COL4A6: variants seen among roughly 807,000 people sequenced by gnomAD.
The protein encoded by COL4A6 is collagen alpha-6(IV) chain.
A neutral mutation model predicts 126.7 loss-of-function variants in COL4A6; 59 were observed. That is an observed-to-expected ratio of 0.47 (90% CI 0.38 to 0.58). The LOEUF is 0.58. Among genes scored for constraint, COL4A6 ranks in the 20% least tolerant of loss-of-function variants. The pLI is 0.00. For synonymous variants in COL4A6, 547 were observed against 496.6 expected (o/e 1.10, Z -1.35); for missense variants, 1,285 against 1,337.3 (o/e 0.96, Z 0.61).
Position 108,414,217 on chromosome X carries a change from A to C in COL4A6, c.63+23725T>G, listed in dbSNP as rs1288707267. The stretch of plus-strand genomic sequence containing the variant: ...TAGGGCAGTGATCTAATCTCTCAGA[A>C]AGCTTGATGCCATTTTGTACTTTCT... On this transcript the variant is annotated intron_variant, in intron 2 of 44. Transcript: ENST00000334504. Among the ~76,000 whole-genome samples, 12 of 112,173 alleles carry C rather than the reference A, an allele frequency of 1.1e-4. No homozygotes were observed. The Admixed American group carries it at 1.1e-3, about 11-fold the overall frequency.
intron 2 of COL4A6, among the ~76,000 whole-genome samples, chrX:108,426,255 C>T (rs1414812582): frequency 3.6e-5 from 4 of 111,478 alleles, no homozygotes; most frequent in East Asian, 2.8e-4. Context: ...TAATTCCCTC[C>T]GCAAGAGAAA....
At chrX:108,212,434 T>A in intron 6 of COL4A6, among the ~76,000 whole-genome samples, 1 of 111,534 alleles carries the variant, frequency 9.0e-6, no homozygotes, top group Middle Eastern at 4.6e-3. Context: ...TTCAACTAGA[T>A]TTTTTGCTGT....
At chrX:108,346,883 G>C (rs1158749090) in intron 2 of COL4A6, among the ~76,000 whole-genome samples, 1 of 112,057 alleles carries the variant, frequency 8.9e-6, no homozygotes. Context: ...GTCAGGTCAA[G>C]ATATAAATGT....
At chrX:108,334,058 A>G (rs2039373688) in intron 2 of COL4A6, among the ~76,000 whole-genome samples, 1 of 112,100 alleles carries the variant, frequency 8.9e-6, no homozygotes, top group Admixed American at 9.5e-5. Context: ...TCTAAAATTC[A>G]TATGGAACCA....
At chrX:108,307,384 A>T (rs146667315) in intron 3 of COL4A6, among the ~76,000 whole-genome samples, 218 of 112,222 alleles carry the variant, frequency 1.9e-3, no homozygotes, top group African/African-American at 6.8e-3. Context: ...CCCTGAAAGA[A>T]GATGTTTTGG....
intron 2 of COL4A6, among the ~76,000 whole-genome samples, chrX:108,351,508 A>G (rs903111865): frequency 2.9e-4 from 27 of 93,306 alleles, no homozygotes; most frequent in Non-Finnish European, 5.2e-4. Flanking sequence ...ATCTATGTGT[A>G]TGTTAGAAGG....
At chrX:108,328,507 A>C (rs1039228101) in intron 2 of COL4A6, among the ~76,000 whole-genome samples, 150 of 111,553 alleles carry the variant, frequency 1.3e-3, no homozygotes, top group Non-Finnish European at 1.6e-3. Context: ...ACCAGCACCA[A>C]CCAATACCAA....
chrX:108,202,416 C>G (rs2035413533), intron 13 of COL4A6, among the ~76,000 whole-genome samples: 1 of 111,510 alleles, frequency 9.0e-6, no homozygotes, highest in Non-Finnish European at 1.9e-5. Context: ...ACATAGGGAC[C>G]CTCAAAAGGT....
At chrX:108,341,650 T>C (rs2039568482) in intron 2 of COL4A6, among the ~76,000 whole-genome samples, 1 of 110,950 alleles carries the variant, frequency 9.0e-6, no homozygotes, top group Admixed American at 9.6e-5. Flanking sequence ...TATGCCTTTA[T>C]CAGCACCGTG....
At chrX:108,408,335 G>GAGAA (rs60742058) in intron 2 of COL4A6, among the ~76,000 whole-genome samples, 3,403 of 100,808 alleles carry the variant, frequency 0.034, 126 homozygotes, top group African/African-American at 0.1. Context: ...AAAAGAAAGA[G>GAGAA]AGAAAGAAAG....
chrX:108,439,441 C>A, upstream of COL4A6: 1 of 590,649 alleles, frequency 1.7e-6, no homozygotes, highest in Non-Finnish European at 2.5e-6. Context: ...CTGTGAGCAG[C>A]TGGAAGGTAA....
At chrX:108,354,436 T>A (rs2039911357) in intron 2 of COL4A6, among the ~76,000 whole-genome samples, 1 of 111,719 alleles carries the variant, frequency 9.0e-6, no homozygotes, top group African/African-American at 3.3e-5. Flanking sequence ...AAGTCCCATT[T>A]TCTGTGGCAA....
chrX:108,158,177 G>A (rs2148046089), intron 44 of COL4A6, among the ~76,000 whole-genome samples: 1 of 112,950 alleles, frequency 8.9e-6, no homozygotes, highest in South Asian at 3.6e-4. Flanking sequence ...GCAGACACTA[G>A]GTTATTTTAA....
chrX:108,398,983 T>C (rs1304215769), intron 2 of COL4A6, among the ~76,000 whole-genome samples: 1 of 111,734 alleles, frequency 8.9e-6, no homozygotes, highest in African/African-American at 3.2e-5. Context: ...ATCCATGCTG[T>C]AAGTAGAAGG....
intron 9 of COL4A6, 79 bp downstream of exon 9, chrX:108,206,439 T>C (rs780796663): frequency 9.6e-7 from 1 of 1,042,192 alleles, no homozygotes; most frequent in East Asian, 3.0e-5. Context: ...ATTACACAGG[T>C]TTACATTGAA....
intron 8 of COL4A6, among the ~76,000 whole-genome samples, chrX:108,209,175 ACTCT>A (rs1293640379): frequency 1.1e-4 from 12 of 111,746 alleles, no homozygotes; most frequent in East Asian, 2.8e-4. Flanking sequence ...AAACTCCGTA[ACTCT>A]CTATTTAGAA....
chrX:108,196,415 G>C, intron 14 of COL4A6, 96 bp downstream of exon 14: 1 of 760,476 alleles, frequency 1.3e-6, no homozygotes. Flanking sequence ...AGAAGCTTAG[G>C]TGGCAATCAA....
At chrX:108,356,691 G>T (rs2039968326) in intron 2 of COL4A6, among the ~76,000 whole-genome samples, 1 of 111,836 alleles carries the variant, frequency 8.9e-6, no homozygotes, top group African/African-American at 3.2e-5. Flanking sequence ...TCACATAAAT[G>T]ACAATGTAAA....
chrX:108,381,591 T>C (rs766713168), intron 2 of COL4A6, among the ~76,000 whole-genome samples: 7 of 111,669 alleles, frequency 6.3e-5, no homozygotes, highest in Non-Finnish European at 1.1e-4. Context: ...GCTTCCACAA[T>C]TGCAAAATGG....
Sources: gnomAD v4.1 joint callset for allele counts (sites outside exome capture counted in the v4.1 genomes callset) on GRCh38, gnomAD v4.1.1 for gene constraint, MANE v1.5 for transcripts, NCBI Gene and HGNC (gene_info 2026-07-23, HGNC 2026-07-21) for gene names.